Variants in LRRC2 observed in about 807,000 individuals in gnomAD.
LRRC2 encodes leucine rich repeat containing 2.
A neutral mutation model predicts 40.2 loss-of-function variants in LRRC2; 27 were observed. That is an observed-to-expected ratio of 0.67 (90% confidence interval 0.49 to 0.93). LRRC2 has a LOEUF of 0.93. Among genes scored for constraint, LRRC2 ranks in the 40% least tolerant of loss-of-function variants. The pLI, the probability that LRRC2 is intolerant of heterozygous loss-of-function variation, is 0.00. For missense variants in LRRC2, 402 were observed against 439.6 expected (o/e 0.91, Z 0.76); for synonymous variants, 147 against 158.9 (o/e 0.92, Z 0.56).
chr3:46,530,137 C>A, intron 5 of LRRC2, 87 bp from the exon 6 acceptor site: 1 of 1,092,944 alleles, frequency 9.1e-7, no homozygotes, highest in Non-Finnish European at 1.3e-6. Context: ...ATATTTCTTC[C>A]CCAAAGGCAT....
chr3:46,552,344 G>A (rs540680555), intron 1 of LRRC2, among the ~76,000 whole-genome samples: 1 of 149,540 alleles, frequency 6.7e-6, no homozygotes, highest in African/African-American at 2.5e-5. Context: ...CCTCTCTCAA[G>A]TAGAACGGAA....
chr3:46,526,801 C>A (rs891877330), intron 7 of LRRC2, among the ~76,000 whole-genome samples: 10 of 152,200 alleles, frequency 6.6e-5, no homozygotes, highest in African/African-American at 4.8e-5. Flanking sequence ...AATAGAGCAG[C>A]CTCGTGTGAA....
chr3:46,560,959 G>A (rs1704924737), intron 1 of LRRC2, among the ~76,000 whole-genome samples: 1 of 152,164 alleles, frequency 6.6e-6, no homozygotes, highest in South Asian at 2.1e-4. Context: ...CACTCTCAAA[G>A]GTTAGATTAA....
At chr3:46,543,930 T>C (rs34167705) in intron 3 of LRRC2, among the ~76,000 whole-genome samples, 10,054 of 137,050 alleles carry the variant, frequency 0.073, 475 homozygotes, top group South Asian at 0.2. Flanking sequence ...GAGAACTGTA[T>C]ACTTTACAGA....
At chr3:46,532,237 T>C (rs1704174832) in intron 5 of LRRC2, among the ~76,000 whole-genome samples, 1 of 152,188 alleles carries the variant, frequency 6.6e-6, no homozygotes, top group Non-Finnish European at 1.5e-5. Flanking sequence ...AAAAATTTCT[T>C]GTGTGAAATT....
In LRRC2 at chr3:46,545,269, G is replaced by A. The variant is rs745599353; in HGVS notation, c.126-16C>T. On this transcript the variant is annotated splice_polypyrimidine_tract_variant and intron_variant, in intron 2 of 8. Coordinates refer to ENST00000395905, the MANE Select transcript of LRRC2 (RefSeq NM_024512.5). ...CTCCTTTATCCTAAAACAGGCAGCAGGGGTCACAGTTACTCTCCTGGGGAC... is the reference window on the plus strand; with the variant it reads ...CTCCTTTATCCTAAAACAGGCAGCAAGGGTCACAGTTACTCTCCTGGGGAC... 1 of 1,612,014 alleles carries A rather than the reference G, an allele frequency of 6.2e-7. No homozygotes were observed. The highest frequency in any genetic ancestry group is 2.2e-5 in the East Asian group (1 of 44,856).
chr3:46,556,869 G>A (rs1036730176), intron 1 of LRRC2, among the ~76,000 whole-genome samples: 23 of 152,094 alleles, frequency 1.5e-4, no homozygotes, highest in African/African-American at 1.4e-4. Context: ...GAGCCATCGC[G>A]CCCAGCCCCA....
chr3:46,563,610 T>C (rs1704994335), intron 1 of LRRC2, among the ~76,000 whole-genome samples: 1 of 152,238 alleles, frequency 6.6e-6, no homozygotes, highest in South Asian at 2.1e-4. Flanking sequence ...CCGCCTGTTA[T>C]TTTATTTCTC....
intron 7 of LRRC2, among the ~76,000 whole-genome samples, chr3:46,523,372 C>T (rs1050975512): frequency 1.3e-5 from 2 of 152,142 alleles, no homozygotes; most frequent in African/African-American, 4.8e-5. Flanking sequence ...TGGTCTATCA[C>T]TGTTTTTCCT....
chr3:46,553,737 C>T (rs942412227), intron 1 of LRRC2, among the ~76,000 whole-genome samples: 2 of 152,170 alleles, frequency 1.3e-5, no homozygotes, highest in Non-Finnish European at 2.9e-5. Context: ...ATCCTCCTGC[C>T]TCAGTCTCCC....
chr3:46,523,328 T>C (rs1444215442), intron 7 of LRRC2, among the ~76,000 whole-genome samples: 1 of 152,206 alleles, frequency 6.6e-6, no homozygotes, highest in African/African-American at 2.4e-5. Flanking sequence ...TCCCTTTAAT[T>C]ACTCTTCAGA....
intron 7 of LRRC2, among the ~76,000 whole-genome samples, chr3:46,522,300 A>G (rs187726344): frequency 0.015 from 2,233 of 151,876 alleles, 40 homozygotes; most frequent in Non-Finnish European, 0.02. Flanking sequence ...GCTTGAACCC[A>G]GGAGGCAGAG....
intron 1 of LRRC2, chr3:46,559,288 G>C (rs1704883743): frequency 6.6e-6 from 1 of 152,204 alleles, no homozygotes; most frequent in Non-Finnish European, 1.5e-5. Flanking sequence ...ACATTAATAA[G>C]AGAATCAGTC....
intron 1 of LRRC2, among the ~76,000 whole-genome samples, chr3:46,563,008 G>C (rs1013544622): frequency 6.6e-6 from 1 of 152,100 alleles, no homozygotes; most frequent in Non-Finnish European, 1.5e-5. Context: ...TTACAGGTAT[G>C]AGCCACTGTA....
intron 7 of LRRC2, 80 bp downstream of exon 7, chr3:46,527,346 G>GAGAC: frequency 6.8e-7 from 1 of 1,479,962 alleles, no homozygotes; most frequent in Middle Eastern, 2.2e-4. Flanking sequence ...TCCGGGTCTT[G>GAGAC]AGACAGCTGC....
At chr3:46,544,337 G>C (rs1398927232) in intron 3 of LRRC2, among the ~76,000 whole-genome samples, 1 of 152,148 alleles carries the variant, frequency 6.6e-6, no homozygotes, top group Non-Finnish European at 1.5e-5. Context: ...TGGCCAACAT[G>C]GTGAAACCCC....
Position 46,539,182 on chromosome 3 carries a change from T to C in LRRC2, c.353A>G (p.Lys118Arg). 1 of 1,613,794 alleles carries C rather than the reference T, an allele frequency of 6.2e-7. No homozygotes were observed. The highest frequency in any genetic ancestry group is 2.2e-5 in the East Asian group (1 of 44,868). ...CCATTCTCTCAGGTGTGTCTGCTCCTTCAATGAATCTGGGAGCTCCTAAAA... is the reference window on the plus strand; with the variant it reads ...CCATTCTCTCAGGTGTGTCTGCTCCCTCAATGAATCTGGGAGCTCCTAAAA... ...EHWTELPDSLKEQTHLREWYI... is the reference protein window; with the variant it reads ...EHWTELPDSLREQTHLREWYI... The change falls in exon 4 of 9, where the codon AAG becomes AGG. Residue 118 changes from lysine (K) to arginine (R), a missense_variant. Coordinates refer to ENST00000395905, the MANE Select transcript of LRRC2 (RefSeq NM_024512.5).
chr3:46,518,962 G>T lies in LRRC2; in HGVS notation c.*52C>A. 3 of 1,238,182 alleles carry T rather than the reference G, an allele frequency of 2.4e-6. No homozygotes were observed. The highest frequency in any genetic ancestry group is 3.6e-6 in the Non-Finnish European group (3 of 838,714). 76.7% of individuals were successfully genotyped at this position (1,238,182 alleles called of 1,614,324 possible). A position where few individuals can be genotyped will look rare whatever the true frequency, so the allele number is the denominator to read the frequency against. On this transcript the variant is annotated 3_prime_UTR_variant, in exon 9 of 9. Transcript: ENST00000395905. ...TCCTATATGACATGATCATAACAAA[G>T]ATTTATATATAGCTCCAGAGAATAG...
In LRRC2 at chr3:46,521,561, C is replaced by T. The variant is rs758828256; in HGVS notation, c.1027G>A (p.Glu343Lys). The change falls in exon 8 of 9, where the codon GAA becomes AAA. Residue 343 changes from glutamate (E) to lysine (K), a missense_variant. Transcript: ENST00000395905. ...TCTTCAATATAGGCTTTCATAACTTCTTTATCAAAATGTTGGCGATCCCGT... is the reference window on the plus strand; with the variant it reads ...TCTTCAATATAGGCTTTCATAACTTTTTTATCAAAATGTTGGCGATCCCGT... ...SERDRQHFDK[E>K]VMKAYIEDLK... 14 of 1,612,438 alleles carry T rather than the reference C, an allele frequency of 8.7e-6. No individual in the cohort carries two copies. Among genetic ancestry groups the T allele is most frequent in the Non-Finnish European group, 1.2e-5 (14 of 1,179,416 alleles).
Sources: gnomAD v4.1 joint callset for allele counts (sites outside exome capture counted in the v4.1 genomes callset) on GRCh38, gnomAD v4.1.1 for gene constraint, MANE v1.5 for transcripts, NCBI Gene and HGNC (gene_info 2026-07-23, HGNC 2026-07-21) for gene names.